Variants in NOS1 observed in about 807,000 individuals in gnomAD.
The protein encoded by NOS1 is NOS type I.
Under a neutral mutation model 164.5 loss-of-function variants are expected in NOS1, and 51 were observed. The observed-to-expected ratio is 0.31, with a 90% CI of 0.25 to 0.39. The LOEUF is 0.39. Among genes scored for constraint, NOS1 ranks in the 10% least tolerant of loss-of-function variants. The probability of loss-of-function intolerance (pLI) is 1.00; values close to 1 mark genes in which losing one functional copy is unlikely to be tolerated. For synonymous variants in NOS1, 719 were observed against 745.8 expected (o/e 0.96, Z 0.59); for missense variants, 1,362 against 1,885.6 (o/e 0.72, Z 5.14).
In NOS1 at chr12:117,315,079, G is replaced by T. The variant is rs1041477493; in HGVS notation, c.726-3487C>A. ...TTATGTGAATTTGAATTTGCAGAGA[G>T]AGTTTCTTTTACCATCATTCTTTTT... On this transcript the variant is annotated intron_variant, in intron 2 of 28. Coordinates refer to ENST00000317775, the MANE Select transcript of NOS1 (RefSeq NM_000620.5). 5.3e-5 allele frequency among the ~76,000 whole-genome samples: 8 copies of T among 152,178 alleles called. No individual in the cohort carries two copies. The East Asian group carries it at 1.5e-3, about 29-fold the overall frequency.
intron 2 of NOS1, among the ~76,000 whole-genome samples, chr12:117,314,370 A>G (rs1874580750): frequency 6.6e-6 from 1 of 152,166 alleles, no homozygotes; most frequent in Non-Finnish European, 1.5e-5. Flanking sequence ...ATATCACATG[A>G]CCATAAATGA....
At chr12:117,357,226 G>A (rs1440200976) in intron 1 of NOS1, among the ~76,000 whole-genome samples, 5 of 152,136 alleles carry the variant, frequency 3.3e-5, no homozygotes, top group Non-Finnish European at 7.3e-5. Flanking sequence ...GGGAGGCTGA[G>A]GAGAGATGAT....
At chr12:117,323,928 C>T (rs939828386) in intron 2 of NOS1, among the ~76,000 whole-genome samples, 11 of 152,142 alleles carry the variant, frequency 7.2e-5, no homozygotes, top group East Asian at 5.8e-4. Context: ...ACTACAGGCA[C>T]GCACCACCAC....
At chr12:117,283,460 A>T (rs527713787) in intron 7 of NOS1, among the ~76,000 whole-genome samples, 75 of 152,344 alleles carry the variant, frequency 4.9e-4, no homozygotes, top group African/African-American at 1.7e-3. Flanking sequence ...CTTTAATAGA[A>T]GATCTCACAA....
intron 2 of NOS1, among the ~76,000 whole-genome samples, chr12:117,317,831 T>C (rs982432080): frequency 3.3e-5 from 5 of 152,038 alleles, no homozygotes; most frequent in African/African-American, 9.7e-5. Flanking sequence ...CATTTGGTGG[T>C]TCTCAAACTC....
At chr12:117,359,524 T>G (rs973182419) in intron 1 of NOS1, among the ~76,000 whole-genome samples, 1 of 152,160 alleles carries the variant, frequency 6.6e-6, no homozygotes. Context: ...TGGGGTCTCC[T>G]TTCTGCTGTC....
At chr12:117,276,251 G>C (rs756832316) in intron 9 of NOS1, among the ~76,000 whole-genome samples, 1 of 151,974 alleles carries the variant, frequency 6.6e-6, no homozygotes, top group Non-Finnish European at 1.5e-5. Flanking sequence ...TCACCCTGTT[G>C]TGCTATCAAA....
rs1348656764 is a variant in NOS1 at position 117,214,454 on chromosome 12, A to T, written c.*855T>A. 45 of 979,036 alleles carry T rather than the reference A, an allele frequency of 4.6e-5. No homozygotes were observed. Among genetic ancestry groups the T allele is most frequent in the Non-Finnish European group, 5.4e-5 (45 of 826,028 alleles). The allele number at this position is 979,036 out of a possible 1,614,324, so 60.6% of individuals were successfully genotyped here. A position where few individuals can be genotyped will look rare whatever the true frequency, so the allele number is the denominator to read the frequency against. On this transcript the variant is annotated 3_prime_UTR_variant, in exon 29 of 29. Transcript: ENST00000317775. ...TCAGTCAATGGATGTGGCAAAGTCA[A>T]GTGATTCTAGCTGGTATGGGTGGGT...
At position 117,212,982 on chromosome 12, in the gene NOS1, T is replaced by G. The variant is rs895389468; in HGVS notation, c.*2327A>C. The G allele has an allele frequency of 1.5e-5, 15 of 985,330 alleles. No homozygotes were observed. The highest frequency in any genetic ancestry group is 1.8e-5 in the Non-Finnish European group (15 of 829,946). The allele number at this position is 985,330 out of a possible 1,614,324, so 61.0% of individuals were successfully genotyped here. ...GTGTTTACTTAAAAAAAAATCTTTC[T>G]GGAGAAGAAGGATGAATCCTGGTTT... On this transcript the variant is annotated 3_prime_UTR_variant, in exon 29 of 29. Coordinates refer to ENST00000317775, the MANE Select transcript of NOS1 (RefSeq NM_000620.5).
intron 3 of NOS1, among the ~76,000 whole-genome samples, chr12:117,298,860 C>T (rs184236863): frequency 4.6e-5 from 7 of 152,360 alleles, no homozygotes; most frequent in Admixed American, 3.9e-4. Context: ...TGTTTTATTA[C>T]AGCAGCCCTA....
chr12:117,309,089 A>T (rs1227776734), intron 3 of NOS1, among the ~76,000 whole-genome samples: 1 of 152,204 alleles, frequency 6.6e-6, no homozygotes. Flanking sequence ...GAGGGCTCAT[A>T]TGATGGCCAT....
intron 25 of NOS1, 137 bp downstream of exon 25, chr12:117,224,879 G>A: frequency 8.9e-7 from 1 of 1,126,792 alleles, no homozygotes; most frequent in South Asian, 1.4e-5. Flanking sequence ...GGTCAGGCTG[G>A]TGCTACACGC....
At position 117,284,948 on chromosome 12, in the gene NOS1, G is replaced by A. The variant is rs1873984311; in HGVS notation, c.1382+293C>T. ...TGCTTGGGTCCCAGCTACTCGGTAGGCTGAGGCAGGAGAATCGCTTGAACC... is the reference window on the plus strand; with the variant it reads ...TGCTTGGGTCCCAGCTACTCGGTAGACTGAGGCAGGAGAATCGCTTGAACC... On this transcript the variant is annotated intron_variant, in intron 7 of 28. Transcript: ENST00000317775. 3.3e-5 allele frequency among the ~76,000 whole-genome samples: 5 copies of A among 151,758 alleles called. No homozygotes were observed. The South Asian group carries it at 1.0e-3, about 32-fold the overall frequency.
At chr12:117,229,986 C>A (rs184326600) in intron 22 of NOS1, among the ~76,000 whole-genome samples, 2 of 152,158 alleles carry the variant, frequency 1.3e-5, no homozygotes, top group African/African-American at 2.4e-5. Context: ...GTTGCAAGAT[C>A]GTGATTCACC....
chr12:117,299,588 G>A (rs1243461287), intron 3 of NOS1, among the ~76,000 whole-genome samples: 5 of 144,304 alleles, frequency 3.5e-5, no homozygotes, highest in East Asian at 2.0e-4. Context: ...GCAGTGAGCC[G>A]AGATCGCGCC....
chr12:117,281,947 A>T (rs1873708810), intron 7 of NOS1, among the ~76,000 whole-genome samples: 1 of 152,098 alleles, frequency 6.6e-6, no homozygotes, highest in Non-Finnish European at 1.5e-5. Flanking sequence ...AAGTTTATAG[A>T]CTTATCATTA....
At chr12:117,269,993 T>C (rs1300687399) in intron 10 of NOS1, among the ~76,000 whole-genome samples, 1 of 152,088 alleles carries the variant, frequency 6.6e-6, no homozygotes, top group African/African-American at 2.4e-5. Flanking sequence ...CCAGCTAGTC[T>C]CAGAGGTGGA....
intron 1 of NOS1, among the ~76,000 whole-genome samples, chr12:117,344,739 C>G (rs1209245819): frequency 6.6e-6 from 1 of 152,206 alleles, no homozygotes; most frequent in Admixed American, 6.5e-5. Flanking sequence ...CTACAGGGCT[C>G]AGGGAACCCT....
intron 10 of NOS1, among the ~76,000 whole-genome samples, chr12:117,271,799 G>A (rs1344771909): frequency 2.0e-5 from 3 of 152,158 alleles, no homozygotes; most frequent in Non-Finnish European, 4.4e-5. Context: ...AGGAAGCACC[G>A]CTCCAGCACT....
Sources: gnomAD v4.1 joint callset for allele counts (sites outside exome capture counted in the v4.1 genomes callset) on GRCh38, gnomAD v4.1.1 for gene constraint, MANE v1.5 for transcripts, NCBI Gene and HGNC (gene_info 2026-07-23, HGNC 2026-07-21) for gene names.